The following TONSL variants were observed in gnomAD, a reference collection of about 807,000 sequenced individuals.
TONSL encodes the protein tonsoku like, DNA repair protein.
In TONSL, 112 loss-of-function variants were observed where a neutral mutation model predicts 147.1. That is an observed-to-expected ratio of 0.76 (90% CI 0.65 to 0.89). TONSL has a LOEUF of 0.89. Among genes scored for constraint, TONSL ranks in the 40% least tolerant of loss-of-function variants. The pLI is 0.00. For synonymous variants in TONSL, 868 were observed against 801.5 expected (o/e 1.08, Z -1.40); for missense variants, 1,883 against 1,864.6 (o/e 1.01, Z -0.18).
rs1327186298 is a variant in TONSL, at chr8:144,442,680, G to A, written c.575C>T (p.Ala192Val). The change falls in exon 5 of 26, where the codon GCG becomes GTG. Residue 192 changes from alanine to valine, a missense_variant. Physicochemically the swap from Ala to Val is moderately conservative, Grantham distance 64. Transcript: ENST00000409379. ...NDYFRKSIFLAEQNHLYEDLF... is the reference protein window; with the variant it reads ...NDYFRKSIFLVEQNHLYEDLF... ...CTGGGGCGGGGCAGGGCCTTACTCC[G>A]CAAGGAAGATGCTCTTCCTGAAGTA... 9.3e-6 allele frequency: 15 copies of A among 1,612,356 alleles called. No homozygotes were observed. The highest frequency in any genetic ancestry group is 2.2e-5 in the South Asian group (2 of 91,044).
intron 25 of TONSL, among the ~76,000 whole-genome samples, 177 bp downstream of exon 25, chr8:144,430,227 G>C (rs1468508501): frequency 6.6e-6 from 1 of 152,156 alleles, no homozygotes; most frequent in Admixed American, 6.5e-5. Context: ...TTAGGAGCTG[G>C]GATCATGCCC....
intron 23 of TONSL, 30 bp downstream of exon 23, chr8:144,432,255 G>A (rs1554878844): frequency 6.2e-7 from 1 of 1,609,470 alleles, no homozygotes; most frequent in Non-Finnish European, 8.5e-7. Flanking sequence ...CTGAGGCTCA[G>A]TATTTTCTGG....
At chr8:144,439,222 G>A (rs1423806609) in intron 11 of TONSL, among the ~76,000 whole-genome samples, 2 of 152,080 alleles carry the variant, frequency 1.3e-5, no homozygotes, top group African/African-American at 4.8e-5. Context: ...ACCCGCCTCC[G>A]TCCCTGCTTC....
intron 22 of TONSL, chr8:144,432,765 C>T (rs1184215188): frequency 7.1e-6 from 2 of 282,600 alleles, no homozygotes; most frequent in Non-Finnish European, 6.6e-6. Context: ...CTGACCATTG[C>T]TGCCCCCCTT....
At position 144,443,971 on chromosome 8, in the gene TONSL, G is replaced by C. The variant is rs752906055; in HGVS notation, c.175C>G (p.Arg59Gly). The C allele has an allele frequency of 2.6e-6, 4 of 1,541,084 alleles. No individual in the cohort carries two copies. Among genetic ancestry groups the C allele is most frequent in the Non-Finnish European group, 3.5e-6 (4 of 1,146,628 alleles). Residue 59 changes from arginine to glycine, a missense_variant, in exon 3 of 26, where the codon CGC (arginine) becomes GGC (glycine). Arg to Gly is a moderately radical substitution (Grantham distance 125). Transcript: ENST00000409379. Reference protein sequence around the residue: ...QHWQELQLRERADDPLGCAVA... With the variant: ...QHWQELQLREGADDPLGCAVA... ...GCACAGCCCAGAGGGTCGTCAGCGC[G>C]CTCCCGAAGCTGCAGCTCCTGCCAG...
rs1554878580 is a variant in TONSL at position 144,431,139 on chromosome 8, G to C, written c.3748C>G (p.Leu1250Val). The C allele has an allele frequency of 2.5e-6, 4 of 1,614,136 alleles. No individual in the cohort carries two copies. Among genetic ancestry groups the C allele is most frequent in the South Asian group, 1.1e-5 (1 of 91,084 alleles). ...TTTGCAGACAGGGTCAGGTGGGCTA[G>C]AGCACAGCCTTCCTGGACATGAGCA... ...FRYLAKEGCA[L>V]AHLTLSANHL... Residue 1250 changes from leucine (L) to valine (V), a missense_variant, in exon 24 of 26, where the codon CTA (leucine) becomes GTA (valine). Physicochemically the swap from Leu to Val is conservative, Grantham distance 32. Coordinates refer to ENST00000409379, the MANE Select transcript of TONSL (RefSeq NM_013432.5).
At chr8:144,439,613 C>G (rs1201870630) in intron 11 of TONSL, among the ~76,000 whole-genome samples, 4 of 152,254 alleles carry the variant, frequency 2.6e-5, no homozygotes, top group African/African-American at 9.6e-5. Context: ...CAGCCAGTCC[C>G]TCATGCCTGC....
Position 144,429,162 on chromosome 8 carries a change from A to G in TONSL, c.4118T>C (p.Leu1373Pro). 6.5e-7 allele frequency: 1 copy of G among 1,530,884 alleles called. No homozygotes were observed. The allele number at this position is 1,530,884 out of a possible 1,614,324, so 94.8% of individuals were successfully genotyped here. A position where few individuals can be genotyped will look rare whatever the true frequency, so the allele number is the denominator to read the frequency against. The change falls in exon 26 of 26, where the codon CTC becomes CCC. Residue 1373 changes from leucine to proline, a missense_variant. Physicochemically the swap from Leu to Pro is moderately conservative, Grantham distance 98. Coordinates refer to ENST00000409379, the MANE Select transcript of TONSL (RefSeq NM_013432.5). Reference protein sequence around the residue: ...GECTLDHGSKLFFRRL With the variant: ...GECTLDHGSKPFFRRL The stretch of plus-strand genomic sequence containing the variant: ...CCAGGGTCAGAGGCGCCGAAAGAAG[A>G]GCTTGGAGCCGTGGTCCAGCGTGCA...
Position 144,434,843 on chromosome 8 carries a change from C to G in TONSL, c.3053G>C (p.Arg1018Pro). ...CAGGCTCTGGCAGGCCCTGCGGTAGCGGTCAGTCAACGGGGGCAGGTCCCA... is the reference window on the plus strand; with the variant it reads ...CAGGCTCTGGCAGGCCCTGCGGTAGGGGTCAGTCAACGGGGGCAGGTCCCA... The part of the protein sequence containing the change: ...TSWDLPPLTD[R>P]YRRACQSLGQ... Residue 1018 changes from arginine to proline, a missense_variant, in exon 20 of 26, where the codon CGC becomes CCC. Physicochemically the swap from Arg to Pro is moderately radical, Grantham distance 103. Transcript: ENST00000409379. The G allele has an allele frequency of 6.2e-7, 1 of 1,613,532 alleles. No homozygotes were observed.
intron 7 of TONSL, chr8:144,441,695 G>T: frequency 3.5e-6 from 1 of 286,782 alleles, no homozygotes; most frequent in Non-Finnish European, 6.7e-6. Flanking sequence ...CCTGGACCAC[G>T]CGTGCCATCT....
Position 144,441,066 on chromosome 8 carries a change from C to T in TONSL, c.911G>A (p.Gly304Asp). The change falls in exon 8 of 26, where the codon GGC becomes GAC. Residue 304 changes from glycine (G) to aspartate (D), a missense_variant. Coordinates refer to ENST00000409379, the MANE Select transcript of TONSL (RefSeq NM_013432.5). ...RLQQQLEEAEGRDPQGAMVIC... is the reference protein window; with the variant it reads ...RLQQQLEEAEDRDPQGAMVIC... ...GACCATGGCACCCTGAGGGTCTCTG[C>T]CCTCAGCCTCTTCCAGCTGTTGCTG... 6.2e-7 allele frequency: 1 copy of T among 1,612,952 alleles called. No individual in the cohort carries two copies. Among genetic ancestry groups the T allele is most frequent in the Non-Finnish European group, 8.5e-7 (1 of 1,180,000 alleles).
rs1823045940 is a variant in TONSL, at chr8:144,429,082, C to A, written c.*61G>T. 12 of 1,452,692 alleles carry A rather than the reference C, an allele frequency of 8.3e-6. No homozygotes were observed. Among genetic ancestry groups the A allele is most frequent in the Non-Finnish European group, 1.1e-5 (12 of 1,106,244 alleles). 90.0% of individuals were successfully genotyped at this position (1,452,692 alleles called of 1,614,324 possible). A position where few individuals can be genotyped will look rare whatever the true frequency, so the allele number is the denominator to read the frequency against. ...GGGATTACAGGCGTGAGCCACCGCG[C>A]CCGGCCAGCAGCTTCATTTATTAGG... On this transcript the variant is annotated 3_prime_UTR_variant, in exon 26 of 26. Transcript: ENST00000409379.
chr8:144,439,623 C>A (rs528222080), intron 11 of TONSL, among the ~76,000 whole-genome samples: 1 of 152,386 alleles, frequency 6.6e-6, no homozygotes, highest in African/African-American at 2.4e-5. Context: ...CTCATGCCTG[C>A]CCTCCGTGCA....
chr8:144,430,203 C>A (rs976648230), intron 25 of TONSL, among the ~76,000 whole-genome samples: 7 of 152,184 alleles, frequency 4.6e-5, no homozygotes, highest in African/African-American at 1.7e-4. Flanking sequence ...CACCTCGCCC[C>A]CTAACCCATG....
intron 23 of TONSL, among the ~76,000 whole-genome samples, chr8:144,431,382 G>C (rs537680328): frequency 6.6e-6 from 1 of 152,306 alleles, no homozygotes; most frequent in East Asian, 1.9e-4. Flanking sequence ...AGCATCAGGG[G>C]CCCTAGTGTG....
chr8:144,442,267 T>C lies in TONSL; in HGVS notation c.724A>G (p.Ser242Gly). ...TGTGCAATAACCACGCAGCACTCGC[T>C]CTCCATGAACCGCTTCCTCATGGTG... ...AHTMRKRFME[S>G]ECCVVIAQVL... is the part of the protein sequence containing the mutation. The change falls in exon 6 of 26, where the codon AGC becomes GGC. Residue 242 changes from serine to glycine, a missense_variant. Coordinates refer to ENST00000409379, the MANE Select transcript of TONSL (RefSeq NM_013432.5). The C allele has an allele frequency of 1.3e-6, 2 of 1,593,184 alleles. No individual in the cohort carries two copies. Among genetic ancestry groups the C allele is most frequent in the Non-Finnish European group, 1.7e-6 (2 of 1,165,722 alleles).
chr8:144,444,104 G>A, intron 2 of TONSL, 76 bp downstream of exon 2: 3 of 1,311,944 alleles, frequency 2.3e-6, no homozygotes, highest in Non-Finnish European at 2.9e-6. Flanking sequence ...GGAAGAGCCC[G>A]TCGCCCCCCG....
At chr8:144,436,466 C>G (rs1823463265) in intron 16 of TONSL, 48 bp from the exon 17 acceptor site, 1 of 1,548,186 alleles carries the variant, frequency 6.5e-7, no homozygotes, top group Admixed American at 1.8e-5. Context: ...GCACCTCCCG[C>G]TCCACCTGTG....
rs782537600 is a variant in TONSL at position 144,430,558 on chromosome 8, G to T, written c.3810-21C>A. ...GACATCTGAGATAACATGGGAAGAA[G>T]TGCAAAGGTTGGCTTCCAGAGAGGC... is the stretch of plus-strand genomic sequence containing the variant. On this transcript the variant is annotated intron_variant, in intron 24 of 25. Coordinates refer to ENST00000409379, the MANE Select transcript of TONSL (RefSeq NM_013432.5). 9 of 1,596,342 alleles carry T rather than the reference G, an allele frequency of 5.6e-6. No individual in the cohort carries two copies. The Admixed American group carries it at 8.6e-5, about 15-fold the overall frequency.
Sources: allele counts gnomAD v4.1 joint callset (sites outside exome capture counted in the v4.1 genomes callset), GRCh38; gene constraint gnomAD v4.1.1; transcripts MANE v1.5; gene names NCBI Gene and HGNC (gene_info 2026-07-23, HGNC 2026-07-21).